Variants in BMI1 observed in about 807,000 individuals in gnomAD.
BMI1 encodes BMI1 proto-oncogene, polycomb ring finger, also known as polycomb complex protein BMI-1.
In BMI1, 9 loss-of-function variants were observed where a neutral mutation model predicts 39.1. That is an observed-to-expected ratio of 0.23 (90% CI 0.14 to 0.40). The LOEUF (loss-of-function observed/expected upper bound fraction) is 0.40, where lower values mean the gene tolerates loss of function less well. Among genes scored for constraint, BMI1 ranks in the 10% least tolerant of loss-of-function variants. The pLI, the probability that BMI1 is intolerant of heterozygous loss-of-function variation, is 1.00. For synonymous variants in BMI1, 131 were observed against 127.9 expected, an observed-to-expected ratio of 1.02 and a Z score of -0.16; for missense variants, 252 against 390.8, an observed-to-expected ratio of 0.64 and a Z score of 2.99.
intron 3 of BMI1, 81 bp downstream of exon 3, chr10:22,327,067 C>A: frequency 1.3e-6 from 2 of 1,490,574 alleles, no homozygotes; most frequent in Non-Finnish European, 1.8e-6. Flanking sequence ...TTTATTTCTT[C>A]ACAGAAAATT....
intron 1 of BMI1, among the ~76,000 whole-genome samples, chr10:22,324,354 T>G (rs1230474654): frequency 6.6e-6 from 1 of 152,260 alleles, no homozygotes; most frequent in Non-Finnish European, 1.5e-5. Flanking sequence ...GGCTGTTCTT[T>G]AATTTACCAA....
At chr10:22,322,994 C>T (rs561883366) in intron 1 of BMI1, among the ~76,000 whole-genome samples, 1 of 152,206 alleles carries the variant, frequency 6.6e-6, no homozygotes, top group South Asian at 2.1e-4. Context: ...ATGTATTAAC[C>T]CCTTCCCTTA....
intron 1 of BMI1, among the ~76,000 whole-genome samples, chr10:22,322,561 A>G (rs752557064): frequency 3.3e-5 from 5 of 152,130 alleles, no homozygotes; most frequent in East Asian, 1.9e-4. Flanking sequence ...GGGCATTTCA[A>G]ATTTGGAGCT....
At chr10:22,326,328 GTGTT>G in intron 1 of BMI1, 99 bp from the exon 2 acceptor site, 1 of 1,487,742 alleles carries the variant, frequency 6.7e-7, no homozygotes, top group Non-Finnish European at 9.0e-7. Flanking sequence ...CAGCTGTACA[GTGTT>G]AAATGAGTTT....
At chr10:22,328,362 G>A (rs1836206519) in intron 7 of BMI1, among the ~76,000 whole-genome samples, 183 bp downstream of exon 7, 1 of 152,018 alleles carries the variant, frequency 6.6e-6, no homozygotes, top group Non-Finnish European at 1.5e-5. Context: ...ATGATTGTTA[G>A]TCTTACAAAA....
At position 22,330,783 on chromosome 10, in the gene BMI1, T is replaced by G. The variant is rs1189581586; in HGVS notation, c.*1241T>G. ...CTCTGCTATGTCTGAAAATAGAAGC[T>G]ATTTATTATGAGCTTCTACAGGTAT... On this transcript the variant is annotated 3_prime_UTR_variant, in exon 10 of 10. Coordinates refer to ENST00000376663, the MANE Select transcript of BMI1 (RefSeq NM_005180.9). The G allele has an allele frequency of 6.6e-6, 1 of 152,604 alleles. No homozygotes were observed. The highest frequency in any genetic ancestry group is 1.5e-5 in the Non-Finnish European group (1 of 67,994). 9.5% of individuals were successfully genotyped at this position (152,604 alleles called of 1,614,324 possible). A position where few individuals can be genotyped will look rare whatever the true frequency, so the allele number is the denominator to read the frequency against.
Position 22,329,404 on chromosome 10 carries a change from T to C in BMI1, c.843T>C (p.Ser281=), listed in dbSNP as rs1170405374. The change falls in exon 10 of 10, where the codon TCT becomes TCC. Residue 281 remains serine, a synonymous_variant. Coordinates refer to ENST00000376663, the MANE Select transcript of BMI1 (RefSeq NM_005180.9). ...CLPSPSTPVQ[S]PHPQFPHISS... Reference sequence around the variant, plus strand: ...CTAGCCCCAGTACTCCAGTGCAGTCTCCTCATCCACAGTTTCCTCACATTT... The same window carrying C: ...CTAGCCCCAGTACTCCAGTGCAGTCCCCTCATCCACAGTTTCCTCACATTT... 6.2e-7 allele frequency: 1 copy of C among 1,614,034 alleles called. No individual in the cohort carries two copies. Among genetic ancestry groups the C allele is most frequent in the Non-Finnish European group, 8.5e-7 (1 of 1,180,026 alleles).
chr10:22,328,530 G>C (rs376899605), intron 7 of BMI1, 70 bp from the exon 8 acceptor site: 14 of 1,487,298 alleles, frequency 9.4e-6, no homozygotes, highest in Non-Finnish European at 1.3e-5. Flanking sequence ...TTATATTCAA[G>C]CAATCAAATT....
Position 22,321,386 on chromosome 10 carries a change from CGG to C in BMI1, c.-329_-328del. On this transcript the variant is annotated 5_prime_UTR_variant, in exon 1 of 10. Transcript: ENST00000376663. ...AGTGCGGAGCGGGAGGAGGCGGCGG[CGG>C]CCGAGGAGGAGGAGGAGGAGGCCCC... The C allele has an allele frequency of 1.3e-5, 2 of 159,968 alleles. No homozygotes were observed. The highest frequency in any genetic ancestry group is 2.4e-5 in the African/African-American group (1 of 41,488). The allele number at this position is 159,968 out of a possible 1,614,324, so 9.9% of individuals were successfully genotyped here.
chr10:22,328,213 A>G (rs1836202895), intron 7 of BMI1, 34 bp downstream of exon 7: 1 of 1,573,188 alleles, frequency 6.4e-7, no homozygotes, highest in Non-Finnish European at 8.6e-7. Flanking sequence ...TATAGAAGAA[A>G]CATTGTTTGG....
rs980509003 is a variant in BMI1 at position 22,328,510 on chromosome 10, C to A, written c.472-90C>A. 4.4e-6 allele frequency: 6 copies of A among 1,376,930 alleles called. No individual in the cohort carries two copies. The Admixed American group carries it at 7.6e-5, about 17-fold the overall frequency. 85.3% of individuals were successfully genotyped at this position (1,376,930 alleles called of 1,614,324 possible). A position where few individuals can be genotyped will look rare whatever the true frequency, so the allele number is the denominator to read the frequency against. On this transcript the variant is annotated intron_variant, in intron 7 of 9. Transcript: ENST00000376663. The stretch of plus-strand genomic sequence containing the variant: ...TGGTCACCTCCAATTTTGTTTGATA[C>A]TAGTATCTTTTATATTCAAGCAATC...
At position 22,326,911 on chromosome 10, in the gene BMI1, G is replaced by A. The variant is rs377305365; in HGVS notation, c.134G>A (p.Arg45His). Reference protein sequence around the residue: ...LHSFCKTCIVRYLETSKYCPI... With the variant: ...LHSFCKTCIVHYLETSKYCPI... ...CTAGTCTGTAAAACGTGTATTGTTC[G>A]TTACCTGGAGACCAGCAAGTATTGT... Residue 45 changes from arginine (R) to histidine (H), a missense_variant, in exon 3 of 10, where the codon CGT (arginine) becomes CAT (histidine). By Grantham distance (29) the Arg-to-His change is conservative (BLOSUM62 0). Around this residue, in one of 4 missense-constraint regions of BMI1, gnomAD observed 62 missense variants for 123.3 expected, o/e 0.50. Coordinates refer to ENST00000376663, the MANE Select transcript of BMI1 (RefSeq NM_005180.9). 2 of 1,613,920 alleles carry A rather than the reference G, an allele frequency of 1.2e-6. No individual in the cohort carries two copies. The highest frequency in any genetic ancestry group is 1.7e-5 in the Admixed American group (1 of 60,022).
At chr10:22,325,483 C>T (rs1240507592) in intron 1 of BMI1, among the ~76,000 whole-genome samples, 1 of 151,896 alleles carries the variant, frequency 6.6e-6, no homozygotes, top group African/African-American at 2.4e-5. Context: ...GGGTCCCCGC[C>T]GCCCAGGACT....
chr10:22,325,764 C>G (rs949951136), intron 1 of BMI1: 1 of 152,014 alleles, frequency 6.6e-6, no homozygotes, highest in African/African-American at 2.4e-5. Flanking sequence ...GAGGCGAGTT[C>G]CGAATCCGGA....
chr10:22,323,712 C>T (rs977723037), intron 1 of BMI1, among the ~76,000 whole-genome samples: 1 of 152,232 alleles, frequency 6.6e-6, no homozygotes, highest in Non-Finnish European at 1.5e-5. Flanking sequence ...ACAGCCCCAA[C>T]TGAGTGTGTT....
chr10:22,321,733 G>A (rs1262225521), intron 1 of BMI1, 37 bp downstream of exon 1: 1 of 148,884 alleles, frequency 6.7e-6, no homozygotes, highest in East Asian at 2.0e-4. Context: ...GACGGGGCTG[G>A]GGGCCGGCGG....
At chr10:22,327,885 C>G (rs996561690) in intron 5 of BMI1, 65 bp from the exon 6 acceptor site, 1 of 1,586,824 alleles carries the variant, frequency 6.3e-7, no homozygotes. Flanking sequence ...CACTTCCATC[C>G]TCTTATATAT....
At chr10:22,326,790 C>G (rs900249458) in intron 2 of BMI1, 100 bp from the exon 3 acceptor site, 1 of 1,443,722 alleles carries the variant, frequency 6.9e-7, no homozygotes, top group African/African-American at 1.4e-5. Flanking sequence ...GTTGGAAATG[C>G]CTTTCACCAT....
intron 1 of BMI1, chr10:22,321,986 G>A (rs1412348993): frequency 1.4e-5 from 2 of 145,242 alleles, no homozygotes; most frequent in Admixed American, 6.8e-5. Context: ...GCCGCCAGCA[G>A]GGCTCGGCGC....
Sources: gnomAD v4.1 joint callset for allele counts (sites outside exome capture counted in the v4.1 genomes callset) on GRCh38, gnomAD v4.1.1 for gene constraint, gnomAD v4.1.1 regional missense constraint, MANE v1.5 for transcripts, NCBI Gene and HGNC (gene_info 2026-07-23, HGNC 2026-07-21) for gene names.